SLC2A7: variants seen among roughly 807,000 people sequenced by gnomAD.
The protein encoded by SLC2A7 is solute carrier family 2 member 7, also known as solute carrier family 2, facilitated glucose transporter member 7.
In SLC2A7, 50 loss-of-function variants were observed where a neutral mutation model predicts 50.5. The observed-to-expected ratio is 0.99, with a 90% confidence interval of 0.79 to 1.25. The LOEUF (loss-of-function observed/expected upper bound fraction) is 1.25, where lower values mean the gene tolerates loss of function less well. Ranked by LOEUF, SLC2A7 falls within the 50% of genes most tolerant of loss-of-function variation. The pLI, the probability that SLC2A7 is intolerant of heterozygous loss-of-function variation, is 0.00. For synonymous variants in SLC2A7, 308 were observed against 300.4 expected, an observed-to-expected ratio of 1.03 and a Z score of -0.26; for missense variants, 683 against 679.1, an observed-to-expected ratio of 1.01 and a Z score of -0.06.
intron 8 of SLC2A7, among the ~76,000 whole-genome samples, chr1:9,012,133 T>C (rs887516391): frequency 6.6e-6 from 1 of 152,134 alleles, no homozygotes; most frequent in Non-Finnish European, 1.5e-5. Flanking sequence ...CCTTGACTCA[T>C]GTTAGCTGAC....
rs1553167347 is a variant in SLC2A7 at position 9,024,947 on chromosome 1, G to GGCCCCCCTTGT, written c.150+28_150+29insACAAGGGGGGC. ...CCACGACCCCGGTCAGCTGCTGCCC[G>GGCCCCCCTTGT]GCCCACCTTGTGCCCACCTTGTGCC... On this transcript the variant is annotated intron_variant, in intron 2 of 11. Coordinates refer to ENST00000400906, the MANE Select transcript of SLC2A7 (RefSeq NM_207420.3). 4 of 1,598,760 alleles carry GGCCCCCCTTGT rather than the reference G, an allele frequency of 2.5e-6. 1 individual carries two copies. In the East Asian group the frequency reaches 9.0e-5, roughly 36 times the overall value.
downstream of SLC2A7, among the ~76,000 whole-genome samples, chr1:9,001,657 A>T (rs1017504207): frequency 2.6e-5 from 4 of 151,940 alleles, no homozygotes; most frequent in Admixed American, 6.6e-5. Flanking sequence ...AGCTCAGGTG[A>T]TCTACTCGCT....
At chr1:8,999,288 C>T (rs1640545643), downstream of SLC2A7, among the ~76,000 whole-genome samples, 2 of 152,286 alleles carry the variant, frequency 1.3e-5, no homozygotes, top group Non-Finnish European at 2.9e-5. Flanking sequence ...TGAGCCACTG[C>T]ACCCAGCCCA....
chr1:9,018,189 T>G lies in SLC2A7; in HGVS notation c.589+34A>C, dbSNP rs185032120. 1,849 of 1,612,330 alleles carry G rather than the reference T, an allele frequency of 1.1e-3. 11 individuals are homozygous for G. The African/African-American group carries it at 0.013, about 12-fold the overall frequency. ...CACCTGGCACAGCCGAACGAGAGAC[T>G]GGACCTAGCGTGACCTCTGCGGCTG... On this transcript the variant is annotated intron_variant, in intron 5 of 11. Transcript: ENST00000400906.
intron 5 of SLC2A7, among the ~76,000 whole-genome samples, chr1:9,015,594 C>A (rs867171942): frequency 5.9e-5 from 9 of 152,108 alleles, no homozygotes; most frequent in Non-Finnish European, 1.3e-4. Context: ...AGGGCCTGGA[C>A]CCTGCGCTGG....
At chr1:8,993,190 T>C in the SLC2A7 span, among the ~76,000 whole-genome samples, 1 of 152,204 alleles carries the variant, frequency 6.6e-6, no homozygotes, top group Non-Finnish European at 1.5e-5. Context: ...GCAGAGGAAC[T>C]CCTCTTTTGA....
downstream of SLC2A7, among the ~76,000 whole-genome samples, chr1:8,999,408 C>G (rs1332918962): frequency 1.3e-5 from 2 of 152,214 alleles, no homozygotes; most frequent in Non-Finnish European, 2.9e-5. Context: ...CGTAACACCC[C>G]CTTACTATCC....
rs776243284 is a variant in SLC2A7 at position 9,007,290 on chromosome 1, G to C, written c.1192+20C>G. 23 of 1,613,970 alleles carry C rather than the reference G, an allele frequency of 1.4e-5. No individual in the cohort carries two copies. The South Asian group carries it at 2.2e-4, about 15-fold the overall frequency. On this transcript the variant is annotated intron_variant, in intron 10 of 11. Coordinates refer to ENST00000400906, the MANE Select transcript of SLC2A7 (RefSeq NM_207420.3). ...AATGGACCAGGATGGCCGGGGCGAG[G>C]GAGGCGTGCAGGTACTCACTGGGCC...
chr1:9,016,455 A>G (rs548605745), intron 5 of SLC2A7, among the ~76,000 whole-genome samples: 21 of 152,226 alleles, frequency 1.4e-4, no homozygotes, highest in African/African-American at 5.1e-4. Flanking sequence ...CAAAAATAGA[A>G]AAAAAGAGCT....
the SLC2A7 span, among the ~76,000 whole-genome samples, chr1:8,996,957 T>C: frequency 6.6e-6 from 1 of 152,118 alleles, no homozygotes; most frequent in Non-Finnish European, 1.5e-5. Context: ...GTATTTTTTT[T>C]AGTAGAGACG....
At chr1:9,003,915 G>A (rs1640613197) in intron 11 of SLC2A7, among the ~76,000 whole-genome samples, 1 of 151,714 alleles carries the variant, frequency 6.6e-6, no homozygotes, top group South Asian at 2.1e-4. Context: ...AATGCTGGTC[G>A]AGGCCTTTGT....
chr1:9,007,215 C>T (rs1470561414), intron 10 of SLC2A7, 95 bp downstream of exon 10: 6 of 1,396,822 alleles, frequency 4.3e-6, no homozygotes, highest in Non-Finnish European at 5.1e-6. Flanking sequence ...CAAGGACGTC[C>T]ATTCACTCAG....
intron 3 of SLC2A7, among the ~76,000 whole-genome samples, 192 bp from the exon 4 acceptor site, chr1:9,019,525 T>C (rs756212279): frequency 1.3e-5 from 2 of 152,024 alleles, no homozygotes; most frequent in Non-Finnish European, 2.9e-5. Context: ...CCCAGTGTGA[T>C]GGGATCAGCA....
In SLC2A7 at chr1:9,014,746, G is replaced by C; in HGVS notation, c.838C>G (p.Leu280Val). The C allele has an allele frequency of 1.3e-6, 2 of 1,581,518 alleles. No homozygotes were observed. Among genetic ancestry groups the C allele is most frequent in the South Asian group, 2.3e-5 (2 of 86,760 alleles). ...SVLHLCALRS[L>V]RWQLLSIIVL... is the part of the protein sequence containing the mutation. Reference sequence around the variant, plus strand: ...ATGATGGAGAGGAGCTGCCAGCGCAGGGACCGCAGGGCACAGAGGTGCAGC... The same window carrying C: ...ATGATGGAGAGGAGCTGCCAGCGCACGGACCGCAGGGCACAGAGGTGCAGC... Residue 280 changes from leucine to valine, a missense_variant, in exon 7 of 12, where the codon CTG becomes GTG. Leu to Val is a conservative substitution (Grantham distance 32). Transcript: ENST00000400906.
At chr1:9,016,098 T>C (rs141944337) in intron 5 of SLC2A7, among the ~76,000 whole-genome samples, 1 of 152,174 alleles carries the variant, frequency 6.6e-6, no homozygotes, top group Non-Finnish European at 1.5e-5. Context: ...CTAAGCGTCA[T>C]GCACGGTGGA....
chr1:9,026,360 G>A lies in SLC2A7; in HGVS notation c.-15C>T. 2 of 1,597,626 alleles carry A rather than the reference G, an allele frequency of 1.3e-6. No individual in the cohort carries two copies. Among genetic ancestry groups the A allele is most frequent in the East Asian group, 2.2e-5 (1 of 44,538 alleles). On this transcript the variant is annotated 5_prime_UTR_variant, in exon 1 of 12. Coordinates refer to ENST00000400906, the MANE Select transcript of SLC2A7 (RefSeq NM_207420.3). ...TTGTTCTCCATCCTTGTTCAGGTGG[G>A]AGAACAGGTGTGCTCTACCTCCCAA... is the stretch of plus-strand genomic sequence containing the variant.
intron 10 of SLC2A7, among the ~76,000 whole-genome samples, chr1:9,005,662 C>A (rs1319947492): frequency 2.0e-5 from 3 of 151,752 alleles, no homozygotes. Context: ...AAAAATTAGT[C>A]CGGCATGGTG....
In SLC2A7 at chr1:9,014,781, TGGCCCTCGGCGCGCTCGGC is replaced by T; in HGVS notation, c.784_802del (p.Ala262ThrfsTer56). ...GGCACAGAGGTGCAGCACAGACAGG[TGGCCCTCGGCGCGCTCGGC>T]CCGGGCCTCCGCACGCATGTCCTCC... On this transcript the variant is annotated frameshift_variant, in exon 7 of 12. Coordinates refer to ENST00000400906, the MANE Select transcript of SLC2A7 (RefSeq NM_207420.3). LOFTEE classifies it high-confidence loss of function. 1.3e-6 allele frequency: 2 copies of T among 1,599,626 alleles called. No homozygotes were observed. Among genetic ancestry groups the T allele is most frequent in the Non-Finnish European group, 1.7e-6 (2 of 1,173,970 alleles).
At chr1:9,002,817 T>C (rs1312515518), downstream of SLC2A7, among the ~76,000 whole-genome samples, 1 of 152,188 alleles carries the variant, frequency 6.6e-6, no homozygotes, top group Non-Finnish European at 1.5e-5. Context: ...CACCCTGTGA[T>C]CGACAGGACA....
Sources: allele counts gnomAD v4.1 joint callset (sites outside exome capture counted in the v4.1 genomes callset), GRCh38; gene constraint gnomAD v4.1.1; transcripts MANE v1.5; gene names NCBI Gene and HGNC (gene_info 2026-07-23, HGNC 2026-07-21).